The following ARMC9 variants were observed in gnomAD, a reference collection of about 807,000 sequenced individuals.
ARMC9 encodes lisH domain-containing protein ARMC9.
In ARMC9, 94 loss-of-function variants were observed where a neutral mutation model predicts 107.0. The observed-to-expected ratio is 0.88, with a 90% CI of 0.74 to 1.04. ARMC9 has a LOEUF of 1.04. Ranked by LOEUF, ARMC9 falls within the 50% of genes least tolerant of loss-of-function variation. The probability of loss-of-function intolerance (pLI) is 0.00; values close to 1 mark genes in which losing one functional copy is unlikely to be tolerated. For synonymous variants in ARMC9, 380 were observed against 396.9 expected (o/e 0.96, Z 0.51); for missense variants, 942 against 1,030.1 (o/e 0.91, Z 1.17).
intron 1 of ARMC9, among the ~76,000 whole-genome samples, chr2:231,201,349 C>T (rs1399855714): frequency 6.6e-6 from 1 of 152,248 alleles, no homozygotes; most frequent in Non-Finnish European, 1.5e-5. Context: ...GGGCAAGTCT[C>T]TCCAGTTCCC....
chr2:231,343,617 C>T (rs906443641), intron 20 of ARMC9, among the ~76,000 whole-genome samples: 1 of 152,100 alleles, frequency 6.6e-6, no homozygotes, highest in African/African-American at 2.4e-5. Context: ...ACAGTGATTT[C>T]CTTTTTAAAC....
chr2:231,300,162 A>G (rs2041635057), intron 19 of ARMC9, among the ~76,000 whole-genome samples: 1 of 152,192 alleles, frequency 6.6e-6, no homozygotes, highest in South Asian at 2.1e-4. Context: ...ATTCTAGAAG[A>G]CTGATTTTAA....
At chr2:231,350,744 G>GA (rs1040438227) in intron 21 of ARMC9, among the ~76,000 whole-genome samples, 3 of 152,018 alleles carry the variant, frequency 2.0e-5, no homozygotes, top group African/African-American at 7.2e-5. Context: ...ATTTAGCCCA[G>GA]TTTTTTAAAT....
chr2:231,324,172 G>A (rs1373609806), intron 19 of ARMC9, among the ~76,000 whole-genome samples: 2 of 120,022 alleles, frequency 1.7e-5, no homozygotes, highest in African/African-American at 3.3e-5. Flanking sequence ...CTGTTGCCCA[G>A]GCTGGAGTGC....
chr2:231,278,049 A>G (rs1175918079), intron 15 of ARMC9, among the ~76,000 whole-genome samples: 1 of 152,108 alleles, frequency 6.6e-6, no homozygotes, highest in Non-Finnish European at 1.5e-5. Context: ...TTTCACTGTA[A>G]TGACTCGCTC....
intron 20 of ARMC9, among the ~76,000 whole-genome samples, chr2:231,336,982 C>T (rs919350486): frequency 1.3e-5 from 2 of 152,174 alleles, no homozygotes; most frequent in East Asian, 1.9e-4. Flanking sequence ...CTGCTGTACC[C>T]GGTCCTGCTG....
chr2:231,273,043 G>A lies in ARMC9; in HGVS notation c.1299G>A (p.Glu433=), dbSNP rs1399891828. Residue 433 remains glutamate (E), a synonymous_variant, in exon 14 of 25, where the codon GAG becomes GAA. Coordinates refer to ENST00000611582, the MANE Select transcript of ARMC9 (RefSeq NM_001352754.2). The part of the protein sequence containing the change: ...KEEDKDIITR[E]NVLGALQKFS... ...AGGACAAGGATATCATCACCAGGGA[G>A]AATGTTCTTGGGGCCCTGCAGAAGT... is the stretch of plus-strand genomic sequence containing the variant. The A allele has an allele frequency of 1.2e-6, 2 of 1,613,778 alleles. No individual in the cohort carries two copies. Among genetic ancestry groups the A allele is most frequent in the African/African-American group, 2.7e-5 (2 of 74,910 alleles).
intron 3 of ARMC9, among the ~76,000 whole-genome samples, chr2:231,209,066 T>C (rs2032448950): frequency 6.6e-6 from 1 of 152,112 alleles, no homozygotes; most frequent in Non-Finnish European, 1.5e-5. Context: ...TGCGTCTGGC[T>C]AATTTTTGTA....
rs115522446 is a variant in ARMC9, at chr2:231,237,214, A to G, written c.780+1833A>G. On this transcript the variant is annotated intron_variant, in intron 8 of 24. Coordinates refer to ENST00000611582, the MANE Select transcript of ARMC9 (RefSeq NM_001352754.2). ...TGTGTGTGTGTGTGTGTGTACACAC[A>G]TGCGTACAGCATTTGTACCCTTAGT... Among the ~76,000 whole-genome samples the G allele has an allele frequency of 4.1e-3, 517 of 127,238 alleles. 3 individuals are homozygous for G. Among genetic ancestry groups the G allele is most frequent in the African/African-American group, 0.015 (500 of 33,648 alleles). 83.5% of individuals were successfully genotyped at this position (127,238 alleles called of 152,430 possible). A position where few individuals can be genotyped will look rare whatever the true frequency, so the allele number is the denominator to read the frequency against.
chr2:231,228,478 G>C (rs952058881), intron 7 of ARMC9, among the ~76,000 whole-genome samples: 1 of 152,214 alleles, frequency 6.6e-6, no homozygotes, highest in Admixed American at 6.5e-5. Flanking sequence ...GCGTGGCCTT[G>C]TGGTCTGGGC....
At chr2:231,305,568 T>C (rs983793012) in intron 19 of ARMC9, among the ~76,000 whole-genome samples, 3 of 152,224 alleles carry the variant, frequency 2.0e-5, no homozygotes, top group African/African-American at 7.2e-5. Context: ...TATTGTTTCA[T>C]TGGAAAGTGA....
chr2:231,370,757 C>T, intron 24 of ARMC9: 1 of 219,262 alleles, frequency 4.6e-6, no homozygotes, highest in Non-Finnish European at 9.3e-6. Flanking sequence ...CAGCCTCTGC[C>T]AATTGATAGC....
rs375891306 is a variant in ARMC9 at position 231,258,834 on chromosome 2, C to G, written c.915-157C>G. 129 of 648,620 alleles carry G rather than the reference C, an allele frequency of 2.0e-4. 1 individual carries two copies. Among genetic ancestry groups the G allele is most frequent in the South Asian group, 1.1e-3 (55 of 51,720 alleles). The allele number at this position is 648,620 out of a possible 1,614,324, so 40.2% of individuals were successfully genotyped here. A position where few individuals can be genotyped will look rare whatever the true frequency, so the allele number is the denominator to read the frequency against. Reference sequence around the variant, plus strand: ...GAGCTGGTTGAAGCTGAGGTAGGAGCCTAGAACCCAGCCCGCCCTCCAAGT... The same window carrying G: ...GAGCTGGTTGAAGCTGAGGTAGGAGGCTAGAACCCAGCCCGCCCTCCAAGT... On this transcript the variant is annotated intron_variant, in intron 10 of 24. Transcript: ENST00000611582.
intron 19 of ARMC9, among the ~76,000 whole-genome samples, chr2:231,328,270 T>C (rs1354111790): frequency 6.6e-6 from 1 of 152,230 alleles, no homozygotes; most frequent in Non-Finnish European, 1.5e-5. Context: ...TTTTGAATGT[T>C]GAGTTTTGAG....
At chr2:231,240,288 G>A (rs1447589018) in intron 9 of ARMC9, 4 of 517,728 alleles carry the variant, frequency 7.7e-6, no homozygotes, top group African/African-American at 5.8e-5. Flanking sequence ...CTCAGTGGGG[G>A]TTCCCAGGGT....
intron 23 of ARMC9, 23 bp from the exon 24 acceptor site, chr2:231,369,930 C>T (rs750821843): frequency 5.9e-5 from 87 of 1,462,938 alleles, no homozygotes; most frequent in Non-Finnish European, 7.9e-5. Context: ...AGCTGGGACT[C>T]CAGGTTGCAC....
intron 7 of ARMC9, among the ~76,000 whole-genome samples, chr2:231,230,408 G>T (rs2125348907): frequency 6.6e-6 from 1 of 152,232 alleles, no homozygotes; most frequent in Non-Finnish European, 1.5e-5. Context: ...TCTTGGTTTA[G>T]TTGTTCTTGT....
intron 12 of ARMC9, chr2:231,270,686 A>G: frequency 1.8e-6 from 1 of 555,270 alleles, no homozygotes; most frequent in Non-Finnish European, 3.5e-6. Flanking sequence ...TCTAACCTGG[A>G]AAACAGCCGC....
chr2:231,208,081 T>G, intron 2 of ARMC9, 46 bp from the exon 3 acceptor site: 1 of 870,484 alleles, frequency 1.1e-6, no homozygotes, highest in African/African-American at 2.0e-5. Flanking sequence ...TTTAATTGGA[T>G]TATTTGTTTG....
Sources: gnomAD v4.1 joint callset for allele counts (sites outside exome capture counted in the v4.1 genomes callset) on GRCh38, gnomAD v4.1.1 for gene constraint, MANE v1.5 for transcripts, NCBI Gene and HGNC (gene_info 2026-07-23, HGNC 2026-07-21) for gene names.